Variants in EPHB1 observed in about 807,000 individuals in gnomAD.
The protein encoded by EPHB1 is ephrin type-B receptor 1.
In EPHB1, 30 loss-of-function variants were observed where a neutral mutation model predicts 94.4. The ratio of observed to expected loss-of-function variants is 0.32; its 90% CI spans 0.24 to 0.43. The LOEUF (loss-of-function observed/expected upper bound fraction) is 0.43. Ranked by LOEUF, EPHB1 falls within the 20% of genes least tolerant of loss-of-function variation. The pLI, the probability that EPHB1 is intolerant of heterozygous loss-of-function variation, is 1.00. For synonymous variants in EPHB1, 522 were observed against 489.1 expected, an observed-to-expected ratio of 1.07 and a Z score of -0.89; for missense variants, 1,055 against 1,308.3, an observed-to-expected ratio of 0.81 and a Z score of 2.99.
At chr3:134,821,440 T>TA (rs11449440) in intron 1 of EPHB1, among the ~76,000 whole-genome samples, 17,113 of 142,150 alleles carry the variant, frequency 0.12, 1,635 homozygotes, top group African/African-American at 0.26. Context: ...AGTAAAATGG[T>TA]AAAAAAAAAA....
chr3:134,879,111 C>T (rs1487567904), intron 1 of EPHB1, among the ~76,000 whole-genome samples: 1 of 152,174 alleles, frequency 6.6e-6, no homozygotes, highest in East Asian at 1.9e-4. Context: ...GACTCCCTTC[C>T]TGCACCCAGG....
At chr3:134,854,731 T>C (rs2037074852) in intron 1 of EPHB1, among the ~76,000 whole-genome samples, 1 of 152,226 alleles carries the variant, frequency 6.6e-6, no homozygotes, top group South Asian at 2.1e-4. Flanking sequence ...TCCAAATGCA[T>C]GGCTTGGCCA....
At chr3:135,184,591 A>G (rs1233929902) in intron 10 of EPHB1, among the ~76,000 whole-genome samples, 1 of 152,172 alleles carries the variant, frequency 6.6e-6, no homozygotes, top group Non-Finnish European at 1.5e-5. Context: ...GGCGAATGAA[A>G]GTAGGTCCTT....
chr3:135,167,670 C>A (rs753233373), intron 9 of EPHB1, among the ~76,000 whole-genome samples: 4 of 152,200 alleles, frequency 2.6e-5, no homozygotes, highest in Non-Finnish European at 5.9e-5. Context: ...TGAGAAAGGT[C>A]TCTCTAGGTC....
At chr3:135,161,991 G>C (rs377166324) in intron 6 of EPHB1, 27 bp from the exon 7 acceptor site, 2 of 1,588,932 alleles carry the variant, frequency 1.3e-6, no homozygotes, top group Non-Finnish European at 1.7e-6. Flanking sequence ...GAATGGGATA[G>C]TGACCCTTTC....
chr3:135,128,325 G>T (rs1329899670), intron 4 of EPHB1, among the ~76,000 whole-genome samples: 2 of 152,238 alleles, frequency 1.3e-5, no homozygotes, highest in Non-Finnish European at 2.9e-5. Context: ...AGGGCTCCAA[G>T]CCAAGGAGGC....
At chr3:134,831,405 A>G (rs2036579649) in intron 1 of EPHB1, among the ~76,000 whole-genome samples, 1 of 152,190 alleles carries the variant, frequency 6.6e-6, no homozygotes, top group Non-Finnish European at 1.5e-5. Context: ...CTCTCGGGCC[A>G]TGGCCTTTCA....
rs918663818 is a variant in EPHB1, at chr3:134,816,341, A to C, written c.58+20652A>C. On this transcript the variant is annotated intron_variant, in intron 1 of 15. Coordinates refer to ENST00000398015, the MANE Select transcript of EPHB1 (RefSeq NM_004441.5). ...ACTCCTGACCTCAAATGCTCCGCCC[A>C]CCTCGCCTCCCAAAGTGCTGGGATT... Among the ~76,000 whole-genome samples, 66 of 151,698 alleles carry C rather than the reference A, an allele frequency of 4.4e-4. 1 individual carries two copies. The highest frequency in any genetic ancestry group is 1.6e-3 in the African/African-American group (66 of 41,302).
At chr3:134,852,220 A>G (rs1441586442) in intron 1 of EPHB1, among the ~76,000 whole-genome samples, 2 of 143,948 alleles carry the variant, frequency 1.4e-5, no homozygotes, top group Non-Finnish European at 3.0e-5. Flanking sequence ...TGGTTGCCCC[A>G]CCCCTCTGGC....
At chr3:135,237,376 G>T (rs562527252) in intron 12 of EPHB1, among the ~76,000 whole-genome samples, 17 of 152,056 alleles carry the variant, frequency 1.1e-4, no homozygotes, top group Admixed American at 1.1e-3. Flanking sequence ...CTGAAGCAGT[G>T]GTTTTCAAAC....
At chr3:134,897,718 A>G (rs1163747597) in intron 1 of EPHB1, among the ~76,000 whole-genome samples, 8 of 151,996 alleles carry the variant, frequency 5.3e-5, no homozygotes, top group African/African-American at 1.9e-4. Flanking sequence ...ATTCCTCCTC[A>G]CACACCCTCC....
intron 1 of EPHB1, among the ~76,000 whole-genome samples, chr3:134,800,714 A>G (rs115739807): frequency 6.6e-6 from 1 of 152,184 alleles, no homozygotes; most frequent in Non-Finnish European, 1.5e-5. Context: ...TGGCCTGGGG[A>G]TCTGCATTTT....
chr3:135,238,031 A>G (rs1943696325), intron 12 of EPHB1, among the ~76,000 whole-genome samples: 1 of 152,226 alleles, frequency 6.6e-6, no homozygotes, highest in South Asian at 2.1e-4. Context: ...AAGACAAGTT[A>G]TAATCATCAC....
intron 12 of EPHB1, among the ~76,000 whole-genome samples, chr3:135,214,971 A>G (rs116015323): frequency 0.012 from 1,801 of 152,220 alleles, 45 homozygotes; most frequent in African/African-American, 0.041. Flanking sequence ...CTCTTCATCC[A>G]TAAAATGGGG....
intron 1 of EPHB1, among the ~76,000 whole-genome samples, chr3:134,895,493 A>T (rs2038070308): frequency 6.6e-6 from 1 of 152,212 alleles, no homozygotes; most frequent in South Asian, 2.1e-4. Flanking sequence ...TTTTTTCCAC[A>T]AGGAAAATAA....
rs149538414 is a variant in EPHB1 at position 135,021,451 on chromosome 3, T to C, written c.805+69399T>C. On this transcript the variant is annotated intron_variant, in intron 3 of 15. Transcript: ENST00000398015. ...TTGCTTTTGATTTTTTTTATTGCTA[T>C]TGTGAGTGGATTTCTAAAACTGGTT... Among the ~76,000 whole-genome samples, 470 of 152,266 alleles carry C rather than the reference T, an allele frequency of 3.1e-3. 1 individual carries two copies. The highest frequency in any genetic ancestry group is 0.011 in the African/African-American group (456 of 41,568).
intron 8 of EPHB1, among the ~76,000 whole-genome samples, chr3:135,166,590 A>G (rs1941658725): frequency 6.6e-6 from 1 of 152,206 alleles, no homozygotes; most frequent in South Asian, 2.1e-4. Flanking sequence ...TCTGTCACGC[A>G]AAGCCCTGTA....
intron 2 of EPHB1, among the ~76,000 whole-genome samples, chr3:134,948,329 TAA>T (rs34196572): frequency 6.9e-6 from 1 of 145,166 alleles, no homozygotes; most frequent in Non-Finnish European, 1.5e-5. Flanking sequence ...AGCAGAACAG[TAA>T]AAAAAAAAAA....
At chr3:134,940,287 T>C (rs1022693857) in intron 2 of EPHB1, among the ~76,000 whole-genome samples, 2 of 152,166 alleles carry the variant, frequency 1.3e-5, no homozygotes, top group African/African-American at 4.8e-5. Flanking sequence ...TGGTACTCAG[T>C]GAATGGTAGT....
Sources: allele counts gnomAD v4.1 joint callset (sites outside exome capture counted in the v4.1 genomes callset), GRCh38; gene constraint gnomAD v4.1.1; transcripts MANE v1.5; gene names NCBI Gene and HGNC (gene_info 2026-07-23, HGNC 2026-07-21).